Variants in ADGRD1 observed in about 807,000 individuals in gnomAD.
ADGRD1 encodes the protein adhesion G protein-coupled receptor D1.
Under a neutral mutation model 113.4 loss-of-function variants are expected in ADGRD1, and 77 were observed. The observed-to-expected ratio is 0.68, with a 90% confidence interval of 0.57 to 0.82. The LOEUF (loss-of-function observed/expected upper bound fraction) is 0.82. ADGRD1 is among the 40% of genes least tolerant of loss of function. The probability of loss-of-function intolerance (pLI) is 0.00; values close to 1 mark genes in which losing one functional copy is unlikely to be tolerated. For missense variants in ADGRD1, 1,036 were observed against 1,139.1 expected (o/e 0.91, Z 1.30); for synonymous variants, 474 against 475.0 (o/e 1.00, Z 0.03).
intron 13 of ADGRD1, among the ~76,000 whole-genome samples, chr12:131,074,997 C>T (rs776734307): frequency 1.1e-4 from 17 of 152,166 alleles, no homozygotes; most frequent in African/African-American, 2.9e-4. Flanking sequence ...CTTGGGACTG[C>T]GCTTCCACAC....
rs758236504 is a variant in ADGRD1 at position 131,047,688 on chromosome 12, G to A, written c.1474-29113G>A. On this transcript the variant is annotated intron_variant, in intron 13 of 24. Transcript: ENST00000261654. ...GCCAGCCATTGTCAGTGCCAGGGACGTCACGACTGTGCGTGGCTCTGGGGG... is the reference window on the plus strand; with the variant it reads ...GCCAGCCATTGTCAGTGCCAGGGACATCACGACTGTGCGTGGCTCTGGGGG... Among the ~76,000 whole-genome samples, 93 of 152,304 alleles carry A rather than the reference G, an allele frequency of 6.1e-4. 1 individual carries two copies. The highest frequency in any genetic ancestry group is 8.7e-4 in the Non-Finnish European group (59 of 68,014).
chr12:131,123,161 A>G (rs1201249742), intron 20 of ADGRD1, among the ~76,000 whole-genome samples: 1 of 140,732 alleles, frequency 7.1e-6, no homozygotes, highest in Non-Finnish European at 1.5e-5. Flanking sequence ...GGTTCAAGCA[A>G]TTCTCTTGCC....
chr12:131,080,866 C>T (rs555443838), intron 14 of ADGRD1, among the ~76,000 whole-genome samples: 13 of 152,178 alleles, frequency 8.5e-5, no homozygotes, highest in Middle Eastern at 3.4e-3. Context: ...GTGATCCGCC[C>T]GCCTCGGCCT....
At position 130,987,213 on chromosome 12, in the gene ADGRD1, G is replaced by T. The variant is rs201045213; in HGVS notation, c.609G>T (p.Glu203Asp). Residue 203 changes from glutamate to aspartate, a missense_variant, in exon 6 of 25, where the codon GAG (glutamate) becomes GAT (aspartate). Coordinates refer to ENST00000261654, the MANE Select transcript of ADGRD1 (RefSeq NM_198827.5). ...GAAAAGTGTCTCGTGACTATGGAGA[G>T]TCCAACGTCAACCTCGTGATAGGGT... ...PSGKVSRDYG[E>D]SNVNLVIGSE... 1.1e-5 allele frequency: 17 copies of T among 1,614,224 alleles called. No individual in the cohort carries two copies. Among genetic ancestry groups the T allele is most frequent in the Middle Eastern group, 1.6e-4 (1 of 6,062 alleles).
In ADGRD1 at chr12:131,084,687, G is replaced by T. The variant is rs200102688; in HGVS notation, c.1671+24G>T. 1.7e-5 allele frequency: 28 copies of T among 1,612,486 alleles called. No homozygotes were observed. Among genetic ancestry groups the T allele is most frequent in the Non-Finnish European group, 2.4e-5 (28 of 1,179,422 alleles). On this transcript the variant is annotated intron_variant, in intron 15 of 24. Coordinates refer to ENST00000261654, the MANE Select transcript of ADGRD1 (RefSeq NM_198827.5). The surrounding 1 kb of genome is among the most constrained non-coding windows in gnomAD (Gnocchi z 4.5). ...AGGTAAGAGCCAGGCCTCAGGGGTC[G>T]CGGGACCTGGGGGACGTACCATGAG... is the stretch of plus-strand genomic sequence containing the variant.
Position 130,965,347 on chromosome 12 carries a change from A to C in ADGRD1, c.104-1116A>C, listed in dbSNP as rs1358557485. On this transcript the variant is annotated intron_variant, in intron 2 of 24. Transcript: ENST00000261654. This position sits in a 1 kb window ranked among gnomAD's most constrained non-coding sequence, Gnocchi z 4.8. ...TTGGTTATCAGGCATACATCATTTG[A>C]AAATAATGATCTTATTATCTCCTCT... is the stretch of plus-strand genomic sequence containing the variant. Among the ~76,000 whole-genome samples, 2 of 152,222 alleles carry C rather than the reference A, an allele frequency of 1.3e-5. No individual in the cohort carries two copies. The highest frequency in any genetic ancestry group is 2.9e-5 in the Non-Finnish European group (2 of 68,050).
rs1211902728 is a variant in ADGRD1 at position 131,060,873 on chromosome 12, T to C, written c.1474-15928T>C. Among the ~76,000 whole-genome samples the C allele has an allele frequency of 6.6e-6, 1 of 152,056 alleles. No individual in the cohort carries two copies. The highest frequency in any genetic ancestry group is 2.4e-5 in the African/African-American group (1 of 41,406). On this transcript the variant is annotated intron_variant, in intron 13 of 24. Coordinates refer to ENST00000261654, the MANE Select transcript of ADGRD1 (RefSeq NM_198827.5). The surrounding 1 kb of genome is among the most constrained non-coding windows in gnomAD (Gnocchi z 4.4). ...CTTGGGCCAAGCTCATGGGCTGTGG[T>C]AATTCTGGCCTCCCAGGGGCTCAGT...
In ADGRD1 at chr12:131,096,345, C is replaced by T. The variant is rs995419403; in HGVS notation, c.1672-8486C>T. Among the ~76,000 whole-genome samples the T allele has an allele frequency of 9.9e-5, 15 of 152,184 alleles. No homozygotes were observed. Among genetic ancestry groups the T allele is most frequent in the Middle Eastern group, 3.2e-3 (1 of 316 alleles). On this transcript the variant is annotated intron_variant, in intron 15 of 24. Coordinates refer to ENST00000261654, the MANE Select transcript of ADGRD1 (RefSeq NM_198827.5). This position sits in a 1 kb window ranked among gnomAD's most constrained non-coding sequence, Gnocchi z 5.2. The stretch of plus-strand genomic sequence containing the variant: ...CACTGCAGCCTTGACCTCCTGGGCT[C>T]CAGAGATCCTCCTACCTCAGCCTCC...
intron 13 of ADGRD1, among the ~76,000 whole-genome samples, chr12:131,044,119 T>C (rs569074441): frequency 2.1e-4 from 32 of 152,318 alleles, no homozygotes; most frequent in Non-Finnish European, 4.4e-4. Context: ...ACTGAATCTC[T>C]ACACACCTCT....
Position 130,954,662 on chromosome 12 carries a change from T to A in ADGRD1, c.103+2T>A, listed in dbSNP as rs1236689648. On this transcript the variant is annotated splice_donor_variant, in intron 2 of 24. Transcript: ENST00000261654. LOFTEE classifies it high-confidence loss of function. This position sits in a 1 kb window ranked among gnomAD's most constrained non-coding sequence, Gnocchi z 4.7. ...ACTCCAGATCGCAGGACCATCCAGG[T>A]AAGAGTGTTTCCTTCTCACTCTGAG... 2.5e-6 allele frequency: 4 copies of A among 1,612,474 alleles called. No homozygotes were observed. In the African/African-American group the frequency reaches 5.3e-5, roughly 22 times the overall value.
Position 130,966,852 on chromosome 12 carries a change from C to T in ADGRD1, c.187+306C>T, listed in dbSNP as rs1019746285. 2.9e-5 allele frequency: 12 copies of T among 416,616 alleles called. No individual in the cohort carries two copies. The highest frequency in any genetic ancestry group is 1.8e-4 in the African/African-American group (9 of 49,468). 25.8% of individuals were successfully genotyped at this position (416,616 alleles called of 1,614,324 possible). On this transcript the variant is annotated intron_variant, in intron 3 of 24. Coordinates refer to ENST00000261654, the MANE Select transcript of ADGRD1 (RefSeq NM_198827.5). The surrounding 1 kb of genome is among the most constrained non-coding windows in gnomAD (Gnocchi z 4.6). ...GCCAGGCTGGTCTCAAGCTCCTGGC[C>T]TCAGCAATCCTCTGGCCTTGGCCTC... is the stretch of plus-strand genomic sequence containing the variant.
intron 18 of ADGRD1, among the ~76,000 whole-genome samples, chr12:131,116,578 C>T (rs1451444353): frequency 7.0e-6 from 1 of 142,712 alleles, no homozygotes. Context: ...TTCCCTCCTC[C>T]TCCTTCCTCT....
intron 13 of ADGRD1, among the ~76,000 whole-genome samples, chr12:131,047,389 T>C (rs1435817002): frequency 6.6e-6 from 1 of 152,182 alleles, no homozygotes; most frequent in Non-Finnish European, 1.5e-5. Context: ...GGGACAGCTC[T>C]GAAGGGCAGA....
chr12:130,996,376 C>T, intron 8 of ADGRD1, among the ~76,000 whole-genome samples: 1 of 126,916 alleles, frequency 7.9e-6, no homozygotes, highest in Non-Finnish European at 1.8e-5. Context: ...CCCCTCACCT[C>T]CTGGACGGGG....
At chr12:131,038,714 G>A (rs1022550348) in intron 13 of ADGRD1, among the ~76,000 whole-genome samples, 1 of 152,238 alleles carries the variant, frequency 6.6e-6, no homozygotes, top group Non-Finnish European at 1.5e-5. Context: ...CACAGCCGGG[G>A]TGCAGGTGAG....
At chr12:131,106,098 C>G (rs1950231612) in intron 17 of ADGRD1, among the ~76,000 whole-genome samples, 1 of 152,202 alleles carries the variant, frequency 6.6e-6, no homozygotes, top group South Asian at 2.1e-4. Flanking sequence ...CTCACACTGC[C>G]TAGCACCAGC....
At chr12:131,070,933 A>G in intron 13 of ADGRD1, 1 of 519,016 alleles carries the variant, frequency 1.9e-6, no homozygotes, top group Non-Finnish European at 3.8e-6. Flanking sequence ...TCCTGGGGTC[A>G]GAGTGGGCCT....
intron 2 of ADGRD1, chr12:130,962,589 A>T (rs567102541): frequency 6.6e-6 from 1 of 152,236 alleles, no homozygotes; most frequent in Non-Finnish European, 1.5e-5. Context: ...GGGAATGAAA[A>T]TGAATCTTTT....
chr12:131,028,041 C>G (rs146136181), intron 13 of ADGRD1: 1 of 152,292 alleles, frequency 6.6e-6, no homozygotes, highest in African/African-American at 2.4e-5. Context: ...TCAGCATGAA[C>G]AGCTGGTGCC....
Sources: allele counts gnomAD v4.1 joint callset (sites outside exome capture counted in the v4.1 genomes callset), GRCh38; gene constraint gnomAD v4.1.1; non-coding constraint Gnocchi (gnomAD v3.1); transcripts MANE v1.5; gene names NCBI Gene and HGNC (gene_info 2026-07-23, HGNC 2026-07-21).